The following PCDHA1 variants were observed in gnomAD, a reference collection of about 807,000 sequenced individuals.
The protein encoded by PCDHA1 is protocadherin alpha 1.
PCDHA1 carries 42 observed loss-of-function variants against 61.3 expected under a neutral mutation model. The observed-to-expected ratio is 0.69, with a 90% CI of 0.54 to 0.89. The LOEUF is 0.89. Among genes scored for constraint, PCDHA1 ranks in the 40% least tolerant of loss-of-function variants. PCDHA1 has a pLI of 0.00. For synonymous variants in PCDHA1, 610 were observed against 553.8 expected, an observed-to-expected ratio of 1.10 and a Z score of -1.43; for missense variants, 1,256 against 1,235.3, an observed-to-expected ratio of 1.02 and a Z score of -0.25.
intron 1 of PCDHA1, among the ~76,000 whole-genome samples, chr5:140,916,511 C>G (rs2077595595): frequency 6.6e-6 from 1 of 152,132 alleles, no homozygotes; most frequent in African/African-American, 2.4e-5. Flanking sequence ...ATTAATCTTG[C>G]CAAGACTGGG....
In PCDHA1 at chr5:140,961,268, T is replaced by C. The variant is rs116524101; in HGVS notation, c.2395-17681T>C. Reference sequence around the variant, plus strand: ...TATCCGAAGCTCCAGGAAGCTTCTTTTTACCATGGCTCTGTTTCTTGAGGT... The same window carrying C: ...TATCCGAAGCTCCAGGAAGCTTCTTCTTACCATGGCTCTGTTTCTTGAGGT... On this transcript the variant is annotated intron_variant, in intron 1 of 3. Coordinates refer to ENST00000504120, the MANE Select transcript of PCDHA1 (RefSeq NM_018900.4). Among the ~76,000 whole-genome samples the C allele has an allele frequency of 5.5e-3, 833 of 152,318 alleles. 9 individuals carry two copies. The highest frequency in any genetic ancestry group is 0.019 in the African/African-American group (777 of 41,562).
chr5:140,874,868 T>C (rs1554167378), intron 1 of PCDHA1, among the ~76,000 whole-genome samples: 1 of 152,254 alleles, frequency 6.6e-6, no homozygotes, highest in Non-Finnish European at 1.5e-5. Flanking sequence ...TTATCCTTTG[T>C]TAAATACAAA....
At chr5:140,926,583 G>C in intron 1 of PCDHA1, 1 of 279,462 alleles carries the variant, frequency 3.6e-6, no homozygotes, top group Non-Finnish European at 6.6e-6. Context: ...AGCACCTCTC[G>C]CGCCCGGGCG....
chr5:140,789,252 C>A lies in PCDHA1; in HGVS notation c.2394+568C>A, dbSNP rs374533054. Among the ~76,000 whole-genome samples the A allele has an allele frequency of 9.3e-4, 142 of 152,316 alleles. 1 individual carries two copies. The South Asian group carries it at 0.028, about 30-fold the overall frequency. On this transcript the variant is annotated intron_variant, in intron 1 of 3. Transcript: ENST00000504120. ...ATCACCTGAGATCAGGAGTTTGAGA[C>A]TAGCCTGGACAACATGGTGAAACCC...
intron 1 of PCDHA1, among the ~76,000 whole-genome samples, chr5:140,827,343 T>C (rs985116670): frequency 1.3e-5 from 2 of 152,128 alleles, no homozygotes; most frequent in African/African-American, 4.8e-5. Flanking sequence ...GTGAAGTATA[T>C]GAAAAGAAAA....
chr5:140,897,739 T>A (rs2066296532), intron 1 of PCDHA1, among the ~76,000 whole-genome samples: 1 of 152,176 alleles, frequency 6.6e-6, no homozygotes, highest in Admixed American at 6.5e-5. Flanking sequence ...GTATTTCTAG[T>A]TCTAGATCCC....
intron 1 of PCDHA1, chr5:140,969,405 C>T (rs781817372): frequency 6.3e-7 from 1 of 1,577,066 alleles, no homozygotes; most frequent in Non-Finnish European, 8.6e-7. Flanking sequence ...TGTGATTTGG[C>T]TTTATTGAGT....
chr5:140,910,864 A>G (rs2153516118), intron 1 of PCDHA1, among the ~76,000 whole-genome samples: 1 of 152,266 alleles, frequency 6.6e-6, no homozygotes, highest in Non-Finnish European at 1.5e-5. Context: ...TCCATCCACC[A>G]TTATCCCACA....
At chr5:140,884,044 G>A (rs374333847) in intron 1 of PCDHA1, 16 of 1,613,358 alleles carry the variant, frequency 9.9e-6, no homozygotes, top group Non-Finnish European at 1.4e-5. Context: ...ACGTGGTGGC[G>A]AAGGTGCGCG....
At chr5:140,962,673 C>T (rs1409804701) in intron 1 of PCDHA1, among the ~76,000 whole-genome samples, 2 of 152,164 alleles carry the variant, frequency 1.3e-5, no homozygotes, top group African/African-American at 4.8e-5. Flanking sequence ...TTCCCATCCA[C>T]TGGATGTTTT....
Position 141,011,530 on chromosome 5 carries a change from T to A in PCDHA1, c.*1593T>A, listed in dbSNP as rs1427621980. 1 of 153,810 alleles carries A rather than the reference T, an allele frequency of 6.5e-6. No individual in the cohort carries two copies. The highest frequency in any genetic ancestry group is 1.5e-5 in the Non-Finnish European group (1 of 68,042). The allele number at this position is 153,810 out of a possible 1,614,324, so 9.5% of individuals were successfully genotyped here. A position where few individuals can be genotyped will look rare whatever the true frequency, so the allele number is the denominator to read the frequency against. On this transcript the variant is annotated 3_prime_UTR_variant, in exon 4 of 4. Coordinates refer to ENST00000504120, the MANE Select transcript of PCDHA1 (RefSeq NM_018900.4). ...TGGAGTAGTGTTTTTTTAACCATTG[T>A]TAATCAGCTTTTGTGTATGAAAGAC...
intron 3 of PCDHA1, among the ~76,000 whole-genome samples, chr5:140,998,062 C>T (rs2097795439): frequency 6.6e-6 from 1 of 152,176 alleles, no homozygotes; most frequent in African/African-American, 2.4e-5. Flanking sequence ...TCATCATCAA[C>T]AGACTTAGCC....
At chr5:140,834,669 T>C in intron 1 of PCDHA1, 3 of 1,614,208 alleles carry the variant, frequency 1.9e-6, no homozygotes, top group South Asian at 1.1e-5. Context: ...CGAGGAGCTG[T>C]GCGGGCGGAG....
At chr5:140,808,139 A>G (rs782764384) in intron 1 of PCDHA1, 1 of 1,614,144 alleles carries the variant, frequency 6.2e-7, no homozygotes, top group South Asian at 1.1e-5. Flanking sequence ...ATCCTATGAA[A>G]TTATTGTAGA....
intron 2 of PCDHA1, 26 bp downstream of exon 2, chr5:140,979,033 C>G: frequency 6.2e-7 from 1 of 1,613,044 alleles, no homozygotes; most frequent in Admixed American, 1.7e-5. Flanking sequence ...CTCATTCACT[C>G]AGAAGTAACC....
intron 1 of PCDHA1, chr5:140,868,870 C>T: frequency 1.6e-6 from 1 of 619,808 alleles, no homozygotes; most frequent in Admixed American, 3.3e-5. Flanking sequence ...ATGCAGTGCA[C>T]AGTACTCACA....
intron 1 of PCDHA1, chr5:140,883,877 G>A: frequency 1.2e-6 from 2 of 1,613,254 alleles, no homozygotes; most frequent in Non-Finnish European, 1.7e-6. Flanking sequence ...CCAGGTGAGC[G>A]CGCGCGACTC....
chr5:140,875,854 G>A (rs1448268904), intron 1 of PCDHA1: 6 of 1,614,160 alleles, frequency 3.7e-6, no homozygotes, highest in Non-Finnish European at 5.1e-6. Flanking sequence ...GGACATTAAC[G>A]ACAACCCGCC....
intron 1 of PCDHA1, chr5:140,812,166 G>A (rs1053097771): frequency 1.7e-5 from 1 of 59,462 alleles, no homozygotes; most frequent in African/African-American, 9.4e-5. Flanking sequence ...GTTGTTGTTA[G>A]GAGGTTTGGA....
Sources: gnomAD v4.1 joint callset for allele counts (sites outside exome capture counted in the v4.1 genomes callset) on GRCh38, gnomAD v4.1.1 for gene constraint, MANE v1.5 for transcripts, NCBI Gene and HGNC (gene_info 2026-07-23, HGNC 2026-07-21) for gene names.